The following DNAH6 variants were observed in gnomAD, a reference collection of about 807,000 sequenced individuals.
DNAH6 encodes dynein axonemal heavy chain 6, also known as axonemal beta dynein heavy chain 6.
In DNAH6, 340 loss-of-function variants were observed where a neutral mutation model predicts 491.4. The ratio of observed to expected loss-of-function variants is 0.69; its 90% CI spans 0.63 to 0.76. The LOEUF (loss-of-function observed/expected upper bound fraction) is 0.76. Ranked by LOEUF, DNAH6 falls within the 30% of genes least tolerant of loss-of-function variation. DNAH6 has a pLI of 0.00. For missense variants in DNAH6, 4,443 were observed against 4,972.2 expected (o/e 0.89, Z 3.20); for synonymous variants, 1,603 against 1,686.1 (o/e 0.95, Z 1.21).
chr2:84,496,622 G>A, the DNAH6 span, among the ~76,000 whole-genome samples: 1 of 152,168 alleles, frequency 6.6e-6, no homozygotes, highest in Non-Finnish European at 1.5e-5. Context: ...GATCTGGCAT[G>A]AGTCCTGGAA....
chr2:84,732,621 A>G (rs1184406832), intron 61 of DNAH6, among the ~76,000 whole-genome samples: 1 of 152,206 alleles, frequency 6.6e-6, no homozygotes, highest in African/African-American at 2.4e-5. Context: ...CTTAGGGCTC[A>G]AGGGATGGGA....
chr2:84,599,742 T>C (rs1275282179), intron 18 of DNAH6, among the ~76,000 whole-genome samples: 1 of 152,048 alleles, frequency 6.6e-6, no homozygotes, highest in Non-Finnish European at 1.5e-5. Context: ...CTTTCATCAA[T>C]ACTACACTTT....
At chr2:84,468,592 G>A in the DNAH6 span, among the ~76,000 whole-genome samples, 4 of 152,308 alleles carry the variant, frequency 2.6e-5, no homozygotes, top group Non-Finnish European at 5.9e-5. Flanking sequence ...AGACAGTACA[G>A]GGAGGAGAAG....
chr2:84,793,205 T>C (rs1192308), intron 68 of DNAH6, among the ~76,000 whole-genome samples: 34,081 of 151,862 alleles, frequency 0.22, 4,523 homozygotes, highest in African/African-American at 0.39. Flanking sequence ...CACACACGCA[T>C]GCACACACGT....
chr2:84,676,667 C>T (rs1422462233), intron 40 of DNAH6, among the ~76,000 whole-genome samples: 3 of 152,158 alleles, frequency 2.0e-5, no homozygotes, highest in Non-Finnish European at 4.4e-5. Context: ...ACTTAACTAC[C>T]ATGAATAATG....
intron 37 of DNAH6, among the ~76,000 whole-genome samples, chr2:84,662,002 T>C (rs546914950): frequency 6.6e-6 from 1 of 152,290 alleles, no homozygotes; most frequent in African/African-American, 2.4e-5. Context: ...GTGCTGTACA[T>C]GTTCTATATT....
In DNAH6 at chr2:84,670,414, A is replaced by T. The variant is rs1692615355; in HGVS notation, c.6393A>T (p.Ser2131=). The change falls in exon 39 of 77, where the codon TCA becomes TCT. Residue 2131 remains serine, a synonymous_variant. Coordinates refer to ENST00000389394, the MANE Select transcript of DNAH6 (RefSeq NM_001370.2). ...PVYLNFSAQT[S]SARTQEIIES... is the part of the protein sequence containing the mutation. Reference sequence around the variant, plus strand: ...ATCTAAATTTTTCTGCTCAAACTTCATCTGCAAGGACACAAGAGATCATTG... The same window carrying T: ...ATCTAAATTTTTCTGCTCAAACTTCTTCTGCAAGGACACAAGAGATCATTG... 6.5e-7 allele frequency: 1 copy of T among 1,547,802 alleles called. No individual in the cohort carries two copies. The highest frequency in any genetic ancestry group is 1.2e-5 in the South Asian group (1 of 83,100).
At chr2:84,594,189 A>T in intron 17 of DNAH6, 104 bp downstream of exon 17, 1 of 692,862 alleles carries the variant, frequency 1.4e-6, no homozygotes, top group Non-Finnish European at 2.4e-6. Context: ...GCTTTTCTTA[A>T]TGTCAGTAAA....
At chr2:84,767,781 A>T (rs1022422286) in intron 64 of DNAH6, among the ~76,000 whole-genome samples, 1 of 152,082 alleles carries the variant, frequency 6.6e-6, no homozygotes, top group African/African-American at 2.4e-5. Flanking sequence ...AAAACAAAAG[A>T]CATCAATCCA....
At chr2:84,500,246 A>G in the DNAH6 span, among the ~76,000 whole-genome samples, 1 of 152,186 alleles carries the variant, frequency 6.6e-6, no homozygotes, top group Non-Finnish European at 1.5e-5. Flanking sequence ...ATTATTCTGC[A>G]TATGAATATC....
At chr2:84,724,068 G>A (rs1300296663) in intron 60 of DNAH6, among the ~76,000 whole-genome samples, 1 of 152,052 alleles carries the variant, frequency 6.6e-6, no homozygotes, top group Non-Finnish European at 1.5e-5. Context: ...ACTTCCTGTT[G>A]GCAGTGCTGT....
chr2:84,468,611 C>T, the DNAH6 span, among the ~76,000 whole-genome samples: 2 of 152,102 alleles, frequency 1.3e-5, no homozygotes, highest in Admixed American at 1.3e-4. Context: ...AGAGAATAGA[C>T]AAGGTCACGC....
At chr2:84,593,117 AG>A (rs1360415935) in intron 16 of DNAH6, among the ~76,000 whole-genome samples, 1 of 152,180 alleles carries the variant, frequency 6.6e-6, no homozygotes, top group African/African-American at 2.4e-5. Flanking sequence ...TAAAAAGAAA[AG>A]TTAAAAAATA....
intron 52 of DNAH6, among the ~76,000 whole-genome samples, chr2:84,706,042 T>G (rs767316500): frequency 6.6e-6 from 1 of 152,224 alleles, no homozygotes; most frequent in Non-Finnish European, 1.5e-5. Flanking sequence ...TGGTCTGTAT[T>G]TCCGTTTGCT....
chr2:84,552,467 A>G (rs115530075), intron 9 of DNAH6, among the ~76,000 whole-genome samples: 1 of 152,176 alleles, frequency 6.6e-6, no homozygotes, highest in African/African-American at 2.4e-5. Context: ...TGAATTCATC[A>G]TTTGTATTTT....
At chr2:84,611,312 G>T (rs2104337772) in intron 21 of DNAH6, among the ~76,000 whole-genome samples, 1 of 151,968 alleles carries the variant, frequency 6.6e-6, no homozygotes, top group East Asian at 1.9e-4. Context: ...TTTTTTCGTG[G>T]AAATCTTGTG....
intron 4 of DNAH6, among the ~76,000 whole-genome samples, chr2:84,533,181 C>A (rs58550940): frequency 0.024 from 3,588 of 152,140 alleles, 57 homozygotes; most frequent in Middle Eastern, 0.088. Context: ...ACATTCACAT[C>A]CAACAGTAAA....
intron 63 of DNAH6, among the ~76,000 whole-genome samples, chr2:84,746,916 A>C (rs959008386): frequency 3.9e-5 from 6 of 152,080 alleles, no homozygotes; most frequent in African/African-American, 1.4e-4. Flanking sequence ...GGGGAGGGAG[A>C]CACCAGACTG....
the DNAH6 span, among the ~76,000 whole-genome samples, chr2:84,482,235 G>A: frequency 1.3e-5 from 2 of 152,042 alleles, no homozygotes; most frequent in East Asian, 1.9e-4. Context: ...ACAGGGTTGT[G>A]ATATAAAATA....
Sources: gnomAD v4.1 joint callset for allele counts (sites outside exome capture counted in the v4.1 genomes callset) on GRCh38, gnomAD v4.1.1 for gene constraint, MANE v1.5 for transcripts, NCBI Gene and HGNC (gene_info 2026-07-23, HGNC 2026-07-21) for gene names.